The following TMEM120B variants were observed in gnomAD, a reference collection of about 807,000 sequenced individuals.
TMEM120B encodes transmembrane protein 120B.
In TMEM120B, 31 loss-of-function variants were observed where a neutral mutation model predicts 55.5. That is an observed-to-expected ratio of 0.56 (90% CI 0.42 to 0.75). The LOEUF is 0.75. TMEM120B is among the 30% of genes least tolerant of loss of function. The pLI, the probability that TMEM120B is intolerant of heterozygous loss-of-function variation, is 0.00. For missense variants in TMEM120B, 399 were observed against 425.5 expected (o/e 0.94, Z 0.55); for synonymous variants, 203 against 176.3 (o/e 1.15, Z -1.20).
At chr12:121,760,977 C>T (rs1345367319) in intron 5 of TMEM120B, among the ~76,000 whole-genome samples, 2 of 151,970 alleles carry the variant, frequency 1.3e-5, no homozygotes, top group Non-Finnish European at 2.9e-5. Context: ...ATTAAGTCTC[C>T]CATTCTTTTG....
chr12:121,719,278 G>A (rs1894753201), intron 1 of TMEM120B, among the ~76,000 whole-genome samples: 1 of 152,100 alleles, frequency 6.6e-6, no homozygotes, highest in Admixed American at 6.6e-5. Flanking sequence ...TGCTGGACAG[G>A]CACCTTTTGG....
At chr12:121,761,866 T>C in intron 6 of TMEM120B, 128 bp downstream of exon 6, 1 of 680,836 alleles carries the variant, frequency 1.5e-6, no homozygotes, top group East Asian at 2.8e-5. Context: ...TCTGTGACTG[T>C]TCAGATCCAG....
chr12:121,730,952 C>CT (rs1894991361), intron 1 of TMEM120B, among the ~76,000 whole-genome samples: 1 of 151,184 alleles, frequency 6.6e-6, no homozygotes, highest in East Asian at 1.9e-4. Context: ...GAGCGAAACT[C>CT]TGTCTCAAAA....
In TMEM120B at chr12:121,741,142, C is replaced by T. The variant is rs149783311; in HGVS notation, c.70-2487C>T. Among the ~76,000 whole-genome samples the T allele has an allele frequency of 8.3e-4, 127 of 152,146 alleles. 2 individuals carry two copies. The East Asian group carries it at 0.023, about 27-fold the overall frequency. On this transcript the variant is annotated intron_variant, in intron 1 of 11. Coordinates refer to ENST00000449592, the MANE Select transcript of TMEM120B (RefSeq NM_001080825.2). ...TACTGAGCATACAAAATTAGGTAGC[C>T]AGACTTGGCCTGCGGCGGTGGTTTA...
chr12:121,748,762 G>A (rs58274150), intron 3 of TMEM120B, among the ~76,000 whole-genome samples: 1 of 152,126 alleles, frequency 6.6e-6, no homozygotes, highest in Non-Finnish European at 1.5e-5. Flanking sequence ...CCTCCTGCAC[G>A]CTCAGAGCTG....
intron 5 of TMEM120B, among the ~76,000 whole-genome samples, chr12:121,756,978 G>A (rs1873491918): frequency 6.6e-6 from 1 of 152,150 alleles, no homozygotes; most frequent in Non-Finnish European, 1.5e-5. Context: ...GCTGAGGACG[G>A]TGCCTGAGAG....
chr12:121,728,258 G>A (rs933948846), intron 1 of TMEM120B, among the ~76,000 whole-genome samples: 2 of 151,852 alleles, frequency 1.3e-5, no homozygotes, highest in Non-Finnish European at 2.9e-5. Flanking sequence ...GGGAGGCAGA[G>A]GTGGGCGGAT....
intron 2 of TMEM120B, among the ~76,000 whole-genome samples, chr12:121,745,025 G>A: frequency 6.6e-6 from 1 of 152,176 alleles, no homozygotes; most frequent in East Asian, 1.9e-4. Context: ...ACTATTGATG[G>A]GTCTTTGTGG....
intron 8 of TMEM120B, among the ~76,000 whole-genome samples, chr12:121,772,803 A>G (rs1874108275): frequency 6.6e-6 from 1 of 152,226 alleles, no homozygotes; most frequent in Admixed American, 6.5e-5. Flanking sequence ...AAAGCCAAGA[A>G]TGGAAATTGT....
chr12:121,733,613 C>T (rs1212802483), intron 1 of TMEM120B, among the ~76,000 whole-genome samples: 1 of 151,064 alleles, frequency 6.6e-6, no homozygotes, highest in Non-Finnish European at 1.5e-5. Context: ...GACCTCGGCT[C>T]ACTGCAGCCT....
At chr12:121,769,287 C>T (rs945740099) in intron 6 of TMEM120B, among the ~76,000 whole-genome samples, 13 of 151,928 alleles carry the variant, frequency 8.6e-5, no homozygotes, top group Non-Finnish European at 1.8e-4. Context: ...ACTGAGATGA[C>T]AGGAGATGGG....
At position 121,770,956 on chromosome 12, in the gene TMEM120B, G is replaced by A. The variant is rs777120828; in HGVS notation, c.601G>A (p.Gly201Arg). 3.7e-5 allele frequency: 59 copies of A among 1,613,940 alleles called. No homozygotes were observed. Among genetic ancestry groups the A allele is most frequent in the Non-Finnish European group, 4.5e-5 (53 of 1,179,994 alleles). Residue 201 changes from glycine to arginine, a missense_variant, in exon 7 of 12, where the codon GGA becomes AGA. Gly to Arg is a moderately radical substitution (Grantham distance 125). Around this residue, in one of 3 missense-constraint regions of TMEM120B, gnomAD observed 260 missense variants for 303.9 expected, o/e 0.86. Coordinates refer to ENST00000449592, the MANE Select transcript of TMEM120B (RefSeq NM_001080825.2). The part of the protein sequence containing the change: ...SHHYVSTFLS[G>R]VMLTWPNGPI... ...CCACTACGTCTCCACATTCCTGTCC[G>A]GAGTGATGCTGACCTGGTGAGTAGC...
At chr12:121,759,703 G>A (rs902168306) in intron 5 of TMEM120B, among the ~76,000 whole-genome samples, 1 of 151,410 alleles carries the variant, frequency 6.6e-6, no homozygotes, top group Non-Finnish European at 1.5e-5. Context: ...TTTAGAGCAG[G>A]AATGAAAAGC....
chr12:121,736,009 A>G (rs1895103222), intron 1 of TMEM120B, among the ~76,000 whole-genome samples: 1 of 151,958 alleles, frequency 6.6e-6, no homozygotes, highest in Admixed American at 6.6e-5. Flanking sequence ...ATAATCTATA[A>G]AAGTGTTACT....
At chr12:121,745,090 G>A (rs543308862) in intron 2 of TMEM120B, among the ~76,000 whole-genome samples, 1 of 152,266 alleles carries the variant, frequency 6.6e-6, no homozygotes, top group East Asian at 1.9e-4. Context: ...TCTGCCCACT[G>A]ATGCCAGTAG....
At chr12:121,730,087 C>T (rs1385172106) in intron 1 of TMEM120B, among the ~76,000 whole-genome samples, 6 of 150,546 alleles carry the variant, frequency 4.0e-5, no homozygotes, top group African/African-American at 1.5e-4. Context: ...GGTGAAACCC[C>T]GTCTCTACTA....
At chr12:121,734,459 TGTTGGTCAG>T (rs1304326096) in intron 1 of TMEM120B, among the ~76,000 whole-genome samples, 3 of 151,918 alleles carry the variant, frequency 2.0e-5, no homozygotes, top group Non-Finnish European at 2.9e-5. Context: ...GGTTTCTCCA[TGTTGGTCAG>T]GTTGGTCTCG....
intron 1 of TMEM120B, among the ~76,000 whole-genome samples, chr12:121,732,302 G>T (rs918863361): frequency 2.0e-5 from 3 of 152,282 alleles, no homozygotes; most frequent in Middle Eastern, 3.4e-3. Flanking sequence ...CTTGTTTGTG[G>T]CTCCCCTCAC....
chr12:121,713,985 G>A (rs576865134), intron 1 of TMEM120B, among the ~76,000 whole-genome samples: 121 of 152,256 alleles, frequency 7.9e-4, no homozygotes, highest in Non-Finnish European at 1.5e-3. Context: ...GTGTGCAGAG[G>A]GGAGAGGAGG....
Sources: gnomAD v4.1 joint callset for allele counts (sites outside exome capture counted in the v4.1 genomes callset) on GRCh38, gnomAD v4.1.1 for gene constraint, gnomAD v4.1.1 regional missense constraint, MANE v1.5 for transcripts, NCBI Gene and HGNC (gene_info 2026-07-23, HGNC 2026-07-21) for gene names.